Variants in PARD3B observed in about 807,000 individuals in gnomAD.
PARD3B encodes the protein partitioning defective 3 homolog B.
PARD3B carries 103 observed loss-of-function variants against 130.2 expected under a neutral mutation model. The ratio of observed to expected loss-of-function variants is 0.79; its 90% CI spans 0.67 to 0.93. The LOEUF (loss-of-function observed/expected upper bound fraction) is 0.93. Ranked by LOEUF, PARD3B falls within the 40% of genes least tolerant of loss-of-function variation. The probability of loss-of-function intolerance (pLI) is 0.00; values close to 1 mark genes in which losing one functional copy is unlikely to be tolerated. For missense variants in PARD3B, 1,609 were observed against 1,499.2 expected, an observed-to-expected ratio of 1.07 and a Z score of -1.21; for synonymous variants, 583 against 553.2, an observed-to-expected ratio of 1.05 and a Z score of -0.76.
At chr2:204,671,624 C>T (rs2036305828) in intron 1 of PARD3B, among the ~76,000 whole-genome samples, 1 of 152,122 alleles carries the variant, frequency 6.6e-6, no homozygotes, top group South Asian at 2.1e-4. Flanking sequence ...TCTGCTACTT[C>T]CATGAAGATA....
chr2:205,124,227 A>AT (rs1164852444), intron 8 of PARD3B, 100 bp from the exon 9 acceptor site: 1 of 964,458 alleles, frequency 1.0e-6, no homozygotes, highest in East Asian at 2.9e-5. Flanking sequence ...TATTTTACTG[A>AT]TTCTATATTA....
intron 21 of PARD3B, among the ~76,000 whole-genome samples, chr2:205,511,297 G>A (rs775846079): frequency 6.6e-6 from 1 of 152,024 alleles, no homozygotes; most frequent in Non-Finnish European, 1.5e-5. Context: ...AACCTAAATA[G>A]CAAAGAGCAG....
intron 2 of PARD3B, among the ~76,000 whole-genome samples, chr2:204,738,520 T>C (rs2039856366): frequency 6.6e-6 from 1 of 152,146 alleles, no homozygotes; most frequent in African/African-American, 2.4e-5. Flanking sequence ...TTAAAACAAG[T>C]CTAGTTTATT....
intron 2 of PARD3B, among the ~76,000 whole-genome samples, chr2:204,791,120 G>C (rs2042186451): frequency 1.3e-4 from 1 of 7,468 alleles, no homozygotes; most frequent in Admixed American, 2.4e-3. Context: ...AATAAAAAAA[G>C]GATAAAAAAA....
chr2:205,520,241 T>C (rs1469490061), intron 21 of PARD3B, among the ~76,000 whole-genome samples: 1 of 152,236 alleles, frequency 6.6e-6, no homozygotes, highest in Non-Finnish European at 1.5e-5. Flanking sequence ...GGGGAGGGTC[T>C]GTGCTGCAAG....
At chr2:205,012,842 A>T (rs986988358) in intron 3 of PARD3B, among the ~76,000 whole-genome samples, 4 of 152,224 alleles carry the variant, frequency 2.6e-5, no homozygotes, top group African/African-American at 7.2e-5. Flanking sequence ...TGAAACCACT[A>T]AAGTCCTTCT....
At chr2:204,863,299 C>T (rs1293546063) in intron 2 of PARD3B, among the ~76,000 whole-genome samples, 2 of 152,174 alleles carry the variant, frequency 1.3e-5, no homozygotes. Flanking sequence ...ATACCTGACT[C>T]CCAGTGCCTC....
At chr2:204,988,977 T>C (rs1335548409) in intron 3 of PARD3B, among the ~76,000 whole-genome samples, 4 of 152,248 alleles carry the variant, frequency 2.6e-5, no homozygotes, top group Non-Finnish European at 4.4e-5. Flanking sequence ...TATCAGGTAC[T>C]GTTCATGTTC....
At chr2:205,177,394 G>A (rs1004620370) in intron 13 of PARD3B, among the ~76,000 whole-genome samples, 2 of 152,092 alleles carry the variant, frequency 1.3e-5, no homozygotes, top group African/African-American at 4.8e-5. Context: ...TACAAAAAAT[G>A]AAATAATGAA....
chr2:204,838,619 T>G (rs1368485617), intron 2 of PARD3B, among the ~76,000 whole-genome samples: 1 of 152,032 alleles, frequency 6.6e-6, no homozygotes, highest in Non-Finnish European at 1.5e-5. Flanking sequence ...ATATACAGTG[T>G]GATAGAAGAA....
At chr2:205,032,865 A>G (rs550172519) in intron 3 of PARD3B, among the ~76,000 whole-genome samples, 165 of 152,306 alleles carry the variant, frequency 1.1e-3, no homozygotes, top group Non-Finnish European at 1.8e-3. Context: ...TGCAACTGAT[A>G]AATCATATAG....
At chr2:205,216,477 A>T (rs981414872) in intron 15 of PARD3B, among the ~76,000 whole-genome samples, 1 of 152,146 alleles carries the variant, frequency 6.6e-6, no homozygotes, top group African/African-American at 2.4e-5. Flanking sequence ...GTATATTTCA[A>T]ATCTTTACCA....
chr2:205,403,795 T>C (rs1329444312), intron 19 of PARD3B, among the ~76,000 whole-genome samples: 1 of 152,230 alleles, frequency 6.6e-6, no homozygotes, highest in East Asian at 1.9e-4. Flanking sequence ...ACTATTCTTA[T>C]TTAGTGAAAA....
intron 2 of PARD3B, among the ~76,000 whole-genome samples, chr2:204,772,909 T>A (rs2041450166): frequency 1.3e-5 from 2 of 151,986 alleles, no homozygotes; most frequent in South Asian, 4.1e-4. Context: ...AATTTTAAAA[T>A]TAATCTGTTC....
intron 15 of PARD3B, among the ~76,000 whole-genome samples, chr2:205,196,693 G>A (rs1000060048): frequency 6.6e-6 from 1 of 152,020 alleles, no homozygotes; most frequent in African/African-American, 2.4e-5. Flanking sequence ...ACATAAATAA[G>A]CAAATTATTA....
At chr2:204,805,733 A>T (rs908640655) in intron 2 of PARD3B, among the ~76,000 whole-genome samples, 4 of 152,142 alleles carry the variant, frequency 2.6e-5, no homozygotes, top group Non-Finnish European at 5.9e-5. Flanking sequence ...ATTTATACCA[A>T]TGATGCAAGG....
intron 16 of PARD3B, among the ~76,000 whole-genome samples, chr2:205,271,079 A>G (rs2040707029): frequency 6.6e-6 from 1 of 152,220 alleles, no homozygotes; most frequent in African/African-American, 2.4e-5. Flanking sequence ...GAACTTTACC[A>G]TTTATTACAT....
At chr2:204,811,116 C>T (rs913776388) in intron 2 of PARD3B, among the ~76,000 whole-genome samples, 5 of 151,984 alleles carry the variant, frequency 3.3e-5, no homozygotes, top group African/African-American at 9.7e-5. Flanking sequence ...TTCTGGTGGT[C>T]TCTGATAGCT....
At chr2:204,759,302 G>A (rs974118838) in intron 2 of PARD3B, among the ~76,000 whole-genome samples, 1 of 152,076 alleles carries the variant, frequency 6.6e-6, no homozygotes, top group Admixed American at 6.6e-5. Flanking sequence ...ACCTGGTAAA[G>A]TAAAACTTTT....
Sources: allele counts gnomAD v4.1 joint callset (sites outside exome capture counted in the v4.1 genomes callset), GRCh38; gene constraint gnomAD v4.1.1; transcripts MANE v1.5; gene names NCBI Gene and HGNC (gene_info 2026-07-23, HGNC 2026-07-21).